RSPO2: variants seen among roughly 807,000 people sequenced by gnomAD.
RSPO2 encodes the protein R-spondin 2.
RSPO2 carries 14 observed loss-of-function variants against 30.9 expected under a neutral mutation model. The ratio of observed to expected loss-of-function variants is 0.45; its 90% CI spans 0.30 to 0.71. The LOEUF is 0.71. Ranked by LOEUF, RSPO2 falls within the 30% of genes least tolerant of loss-of-function variation. The pLI, the probability that RSPO2 is intolerant of heterozygous loss-of-function variation, is 0.08. For missense variants in RSPO2, 264 were observed against 301.9 expected (o/e 0.87, Z 0.93); for synonymous variants, 107 against 96.4 (o/e 1.11, Z -0.64).
At chr8:107,981,820 T>A (rs1237866636) in intron 3 of RSPO2, among the ~76,000 whole-genome samples, 4 of 151,634 alleles carry the variant, frequency 2.6e-5, no homozygotes, top group Admixed American at 1.3e-4. Context: ...CAAGACTTCA[T>A]CTCTAAAAAT....
chr8:107,956,463 T>G (rs1813437764), intron 5 of RSPO2, among the ~76,000 whole-genome samples: 1 of 152,178 alleles, frequency 6.6e-6, no homozygotes, highest in Non-Finnish European at 1.5e-5. Flanking sequence ...CAGTATCAAG[T>G]TGTATTCAAC....
intron 3 of RSPO2, among the ~76,000 whole-genome samples, chr8:107,980,907 T>C (rs1431053880): frequency 1.3e-5 from 2 of 152,230 alleles, no homozygotes; most frequent in Admixed American, 6.5e-5. Flanking sequence ...TGCTATCTAA[T>C]ACTGTTGTCT....
Position 107,995,168 on chromosome 8 carries a change from T to C in RSPO2, c.95-5924A>G, listed in dbSNP as rs998259773. ...GACTCTTTTCTATCAACTGTTCTCT[T>C]TTATTTGCATGTTGAATCTATTTCA... is the stretch of plus-strand genomic sequence containing the variant. On this transcript the variant is annotated intron_variant, in intron 2 of 5. Coordinates refer to ENST00000276659, the MANE Select transcript of RSPO2 (RefSeq NM_178565.5). Among the ~76,000 whole-genome samples the C allele has an allele frequency of 2.6e-5, 4 of 152,152 alleles. No individual in the cohort carries two copies. In the South Asian group the frequency reaches 8.3e-4, roughly 32 times the overall value.
chr8:107,908,058 TGAA>T (rs1376844026), intron 5 of RSPO2, among the ~76,000 whole-genome samples: 1 of 152,106 alleles, frequency 6.6e-6, no homozygotes, highest in Non-Finnish European at 1.5e-5. Flanking sequence ...AAGCTAACCC[TGAA>T]GAAGATCACC....
intron 5 of RSPO2, among the ~76,000 whole-genome samples, chr8:107,925,221 C>A (rs962699453): frequency 6.6e-6 from 1 of 151,442 alleles, no homozygotes; most frequent in African/African-American, 2.4e-5. Flanking sequence ...AGGTGACAGG[C>A]GCACTAAAAT....
intron 5 of RSPO2, among the ~76,000 whole-genome samples, chr8:107,901,618 T>C (rs923011546): frequency 2.6e-5 from 4 of 152,238 alleles, no homozygotes; most frequent in African/African-American, 9.6e-5. Flanking sequence ...CAAACTCCTC[T>C]CTCCCTTTCC....
intron 2 of RSPO2, 82 bp downstream of exon 2, chr8:108,082,463 C>T: frequency 9.4e-7 from 1 of 1,060,118 alleles, no homozygotes; most frequent in East Asian, 2.4e-5. Context: ...ACCATCTGAG[C>T]CCCCGGAGCC....
At chr8:107,989,670 G>C (rs1456327336) in intron 2 of RSPO2, 1 of 154,846 alleles carries the variant, frequency 6.5e-6, no homozygotes, top group East Asian at 1.9e-4. Context: ...CCCTAGCTTG[G>C]GAGCACACAG....
At chr8:108,033,888 C>T (rs905617977) in intron 2 of RSPO2, among the ~76,000 whole-genome samples, 1 of 152,184 alleles carries the variant, frequency 6.6e-6, no homozygotes, top group African/African-American at 2.4e-5. Flanking sequence ...AAACTAAAAA[C>T]TACAACCCAC....
chr8:107,952,602 G>A (rs895614215), intron 5 of RSPO2, among the ~76,000 whole-genome samples: 2 of 152,130 alleles, frequency 1.3e-5, no homozygotes, highest in African/African-American at 4.8e-5. Flanking sequence ...CACATAAATT[G>A]TGACTCAAAT....
chr8:108,045,654 G>A (rs1264079791), intron 2 of RSPO2, among the ~76,000 whole-genome samples: 1 of 152,088 alleles, frequency 6.6e-6, no homozygotes, highest in Non-Finnish European at 1.5e-5. Context: ...GGGCAGATAT[G>A]TCTGAGCCAT....
intron 5 of RSPO2, among the ~76,000 whole-genome samples, chr8:107,907,583 A>G (rs1226586662): frequency 6.6e-6 from 1 of 152,116 alleles, no homozygotes; most frequent in Non-Finnish European, 1.5e-5. Context: ...TGATCTACAG[A>G]TAACTTACAA....
chr8:108,076,318 G>T (rs890588148), intron 2 of RSPO2, among the ~76,000 whole-genome samples: 1 of 152,184 alleles, frequency 6.6e-6, no homozygotes, highest in East Asian at 1.9e-4. Context: ...CAATATGGAG[G>T]CCTGGGAGGT....
intron 2 of RSPO2, among the ~76,000 whole-genome samples, chr8:108,006,817 C>G (rs963419509): frequency 6.6e-6 from 1 of 152,120 alleles, no homozygotes; most frequent in Non-Finnish European, 1.5e-5. Flanking sequence ...GCATTCTCTC[C>G]CTCTGTGTAT....
intron 5 of RSPO2, among the ~76,000 whole-genome samples, chr8:107,928,456 C>T (rs1812452766): frequency 6.6e-6 from 1 of 152,282 alleles, no homozygotes; most frequent in South Asian, 2.1e-4. Flanking sequence ...AAAGACTTCT[C>T]CAACACTGTG....
At chr8:107,954,907 C>T (rs1813372874) in intron 5 of RSPO2, among the ~76,000 whole-genome samples, 1 of 152,138 alleles carries the variant, frequency 6.6e-6, no homozygotes, top group South Asian at 2.1e-4. Flanking sequence ...TTGCGCCTGG[C>T]CTCTCTTTTT....
chr8:107,904,256 A>AATATGATGG lies in RSPO2; in HGVS notation c.617-3075_617-3067dup, dbSNP rs550348359. Among the ~76,000 whole-genome samples, 56 of 152,188 alleles carry AATATGATGG rather than the reference A, an allele frequency of 3.7e-4. 1 individual carries two copies. Among genetic ancestry groups the AATATGATGG allele is most frequent in the African/African-American group, 1.3e-3 (56 of 41,560 alleles). On this transcript the variant is annotated intron_variant, in intron 5 of 5. Coordinates refer to ENST00000276659, the MANE Select transcript of RSPO2 (RefSeq NM_178565.5). ...GCTATACGGGAAGTATTTAAAGGCA[A>AATATGATGG]ATATGATGGCAGTCACCCAACGCAT...
intron 5 of RSPO2, among the ~76,000 whole-genome samples, chr8:107,902,406 T>C (rs1448388244): frequency 6.6e-6 from 1 of 152,166 alleles, no homozygotes; most frequent in East Asian, 1.9e-4. Context: ...CATTCAGTTT[T>C]GTGCTCTTCA....
intron 5 of RSPO2, among the ~76,000 whole-genome samples, chr8:107,945,996 C>T (rs985584966): frequency 6.6e-6 from 1 of 152,170 alleles, no homozygotes; most frequent in African/African-American, 2.4e-5. Flanking sequence ...TATTTGCTCC[C>T]TCTGCCTAAC....
Sources: gnomAD v4.1 joint callset for allele counts (sites outside exome capture counted in the v4.1 genomes callset) on GRCh38, gnomAD v4.1.1 for gene constraint, MANE v1.5 for transcripts, NCBI Gene and HGNC (gene_info 2026-07-23, HGNC 2026-07-21) for gene names.